The following ACCSL variants were observed in gnomAD, a reference collection of about 807,000 sequenced individuals.
The protein encoded by ACCSL is 1-aminocyclopropane-1-carboxylate synthase homolog (inactive) like, also known as probable inactive 1-aminocyclopropane-1-carboxylate synthase-like protein 2.
ACCSL carries 55 observed loss-of-function variants against 61.7 expected under a neutral mutation model. That is an observed-to-expected ratio of 0.89 (90% CI 0.72 to 1.12). The LOEUF (loss-of-function observed/expected upper bound fraction) is 1.12. Among genes scored for constraint, ACCSL ranks in the 50% most tolerant of loss-of-function variants. The pLI is 0.00. For synonymous variants in ACCSL, 258 were observed against 264.3 expected (o/e 0.98, Z 0.23); for missense variants, 632 against 698.0 (o/e 0.91, Z 1.07).
the ACCSL span, among the ~76,000 whole-genome samples, chr11:43,964,423 T>C: frequency 7.1e-6 from 1 of 141,776 alleles, no homozygotes; most frequent in Non-Finnish European, 1.5e-5. Context: ...GGTGACGGAG[T>C]GAGACATTGT....
At chr11:43,936,743 G>T in the ACCSL span, among the ~76,000 whole-genome samples, 1 of 151,178 alleles carries the variant, frequency 6.6e-6, no homozygotes, top group Admixed American at 6.6e-5. Context: ...GCATAAAAAG[G>T]CAACGGCGGG....
the ACCSL span, among the ~76,000 whole-genome samples, chr11:44,014,136 A>G: frequency 6.6e-6 from 1 of 152,186 alleles, no homozygotes; most frequent in East Asian, 1.9e-4. Flanking sequence ...CCGCTGTGAA[A>G]CATATATCCC....
At chr11:43,934,087 T>A in the ACCSL span, among the ~76,000 whole-genome samples, 1 of 152,064 alleles carries the variant, frequency 6.6e-6, no homozygotes, top group East Asian at 1.9e-4. Flanking sequence ...TCTCCCTCTC[T>A]GTGTGTCTTG....
At chr11:43,994,530 GTC>G in the ACCSL span, among the ~76,000 whole-genome samples, 1 of 152,108 alleles carries the variant, frequency 6.6e-6, no homozygotes, top group African/African-American at 2.4e-5. Flanking sequence ...GTGTGTGTGT[GTC>G]TGTGTGTGTT....
At chr11:43,924,121 C>T in the ACCSL span, among the ~76,000 whole-genome samples, 1 of 152,256 alleles carries the variant, frequency 6.6e-6, no homozygotes, top group Non-Finnish European at 1.5e-5. Context: ...AGAGTAACTA[C>T]TCCCTTGGGA....
At chr11:43,954,417 A>G in the ACCSL span, among the ~76,000 whole-genome samples, 2 of 152,210 alleles carry the variant, frequency 1.3e-5, no homozygotes, top group Non-Finnish European at 2.9e-5. Context: ...GGGGTTATAG[A>G]TGAGCTTGAG....
chr11:43,960,597 C>T, the ACCSL span, among the ~76,000 whole-genome samples: 3 of 152,116 alleles, frequency 2.0e-5, no homozygotes, highest in Non-Finnish European at 2.9e-5. Context: ...GTTGGCCAGG[C>T]TGGTCTCGAA....
At chr11:43,921,294 A>G in the ACCSL span, 3 of 152,318 alleles carry the variant, frequency 2.0e-5, no homozygotes, top group Admixed American at 2.0e-4. Context: ...ATGGAGCACC[A>G]TGCCTGGCCA....
the ACCSL span, among the ~76,000 whole-genome samples, chr11:43,992,336 CG>C: frequency 6.6e-6 from 1 of 152,164 alleles, no homozygotes; most frequent in African/African-American, 2.4e-5. Flanking sequence ...CGTGAGCCAC[CG>C]CGCCCGGCCC....
At chr11:43,946,447 ATTTG>A in the ACCSL span, among the ~76,000 whole-genome samples, 4 of 152,148 alleles carry the variant, frequency 2.6e-5, no homozygotes, top group South Asian at 2.1e-4. Flanking sequence ...CCCTAGAAAT[ATTTG>A]TTTATTATAA....
the ACCSL span, among the ~76,000 whole-genome samples, chr11:44,032,407 A>G: frequency 0.017 from 2,581 of 152,246 alleles, 87 homozygotes; most frequent in African/African-American, 0.058. Context: ...TCCAGAGTCC[A>G]TGTGCAAGGG....
chr11:44,037,871 G>GCATCCATCCATC, the ACCSL span, among the ~76,000 whole-genome samples: 62 of 149,396 alleles, frequency 4.2e-4, no homozygotes, highest in Non-Finnish European at 5.2e-4. Context: ...ATCCATCCAT[G>GCATCCATCCATC]CATCCATCCA....
the ACCSL span, among the ~76,000 whole-genome samples, chr11:44,028,527 G>T: frequency 4.6e-5 from 7 of 152,222 alleles, no homozygotes; most frequent in Non-Finnish European, 8.8e-5. Context: ...TGTTGGGACA[G>T]CTCAGCCATA....
chr11:43,928,897 A>G, the ACCSL span, among the ~76,000 whole-genome samples: 2 of 152,166 alleles, frequency 1.3e-5, no homozygotes, highest in African/African-American at 4.8e-5. Context: ...AAGGTAGGAG[A>G]GGCAGCCACT....
the ACCSL span, among the ~76,000 whole-genome samples, chr11:44,004,479 TG>T: frequency 6.6e-6 from 1 of 151,216 alleles, no homozygotes; most frequent in Non-Finnish European, 1.5e-5. Flanking sequence ...AAGGCCAAGC[TG>T]AGCTGAGCTG....
the ACCSL span, among the ~76,000 whole-genome samples, chr11:43,984,707 G>A: frequency 8.3e-3 from 1,262 of 152,364 alleles, 14 homozygotes; most frequent in East Asian, 0.028. Context: ...TGCCTTTCCC[G>A]TTGGCCACAT....
At chr11:43,929,325 T>C in the ACCSL span, among the ~76,000 whole-genome samples, 1 of 152,222 alleles carries the variant, frequency 6.6e-6, no homozygotes, top group Non-Finnish European at 1.5e-5. Flanking sequence ...GCTCAAATGA[T>C]CCTCCTACCT....
chr11:43,976,102 A>G, the ACCSL span, among the ~76,000 whole-genome samples: 1 of 152,204 alleles, frequency 6.6e-6, no homozygotes, highest in South Asian at 2.1e-4. Context: ...AATGTATTCA[A>G]GCAGCTATAC....
At chr11:43,996,724 G>A in the ACCSL span, among the ~76,000 whole-genome samples, 4 of 152,100 alleles carry the variant, frequency 2.6e-5, no homozygotes, top group African/African-American at 9.7e-5. Flanking sequence ...GATGTTTCCA[G>A]AAGTCTCTTC....
Sources: allele counts gnomAD v4.1 joint callset (sites outside exome capture counted in the v4.1 genomes callset), GRCh38; gene constraint gnomAD v4.1.1; transcripts MANE v1.5; gene names NCBI Gene and HGNC (gene_info 2026-07-23, HGNC 2026-07-21).